PUF60: variants seen among roughly 807,000 people sequenced by gnomAD.
PUF60 encodes the protein poly(U)-binding-splicing factor PUF60.
Under a neutral mutation model 61.8 loss-of-function variants are expected in PUF60, and 10 were observed. That is an observed-to-expected ratio of 0.16 (90% CI 0.10 to 0.27). The LOEUF (loss-of-function observed/expected upper bound fraction) is 0.27, where lower values mean the gene tolerates loss of function less well. PUF60 is among the 10% of genes least tolerant of loss of function. PUF60 has a pLI of 1.00. For synonymous variants in PUF60, 353 were observed against 300.9 expected, an observed-to-expected ratio of 1.17 and a Z score of -1.79; for missense variants, 371 against 754.0, an observed-to-expected ratio of 0.49 and a Z score of 5.95.
intron 2 of PUF60, among the ~76,000 whole-genome samples, chr8:143,822,320 G>T (rs950630265): frequency 2.0e-5 from 3 of 152,200 alleles, no homozygotes; most frequent in African/African-American, 7.2e-5. Context: ...CTCTCTGGAC[G>T]TTCTGGGACT....
chr8:143,821,957 C>G, intron 2 of PUF60, 44 bp from the exon 3 acceptor site: 1 of 1,482,244 alleles, frequency 6.7e-7, no homozygotes, highest in Non-Finnish European at 9.1e-7. Flanking sequence ...AGCTCAAGTT[C>G]TCCTTCACGT....
chr8:143,816,772 A>G lies in PUF60; in HGVS notation c.1428T>C (p.Asp476=), dbSNP rs769416957. 1 of 1,613,636 alleles carries G rather than the reference A, an allele frequency of 6.2e-7. No individual in the cohort carries two copies. Among genetic ancestry groups the G allele is most frequent in the East Asian group, 2.2e-5 (1 of 44,882 alleles). ...CTGTCACCTCCCCTTCCAGGTCATC[A>G]TCGATGTCCTTGGGGTCCACCATGT... is the stretch of plus-strand genomic sequence containing the variant. ...LRNMVDPKDI[D]DDLEGEVTEE... The change falls in exon 12 of 12, where the codon GAT becomes GAC. Residue 476 remains aspartate, a synonymous_variant. Transcript: ENST00000526683.
At chr8:143,820,615 T>C in intron 5 of PUF60, 51 bp downstream of exon 5, 4 of 1,576,994 alleles carry the variant, frequency 2.5e-6, no homozygotes, top group Non-Finnish European at 3.5e-6. Flanking sequence ...TGCCCCCCTC[T>C]AGCCCTGACT....
rs765504100 is a variant in PUF60 at position 143,818,190 on chromosome 8, C to T, written c.603+3G>A. ...GGATCGAGGCCTTGGCTCCCTGCCTCACCTTGATGTTCCTGCCCCCCAGCA... is the reference window on the plus strand; with the variant it reads ...GGATCGAGGCCTTGGCTCCCTGCCTTACCTTGATGTTCCTGCCCCCCAGCA... On this transcript the variant is annotated splice_donor_region_variant and intron_variant, in intron 7 of 11. Coordinates refer to ENST00000526683, the MANE Select transcript of PUF60 (RefSeq NM_078480.3). This position sits in a 1 kb window ranked among gnomAD's most constrained non-coding sequence, Gnocchi z 7.9. The T allele has an allele frequency of 6.8e-6, 11 of 1,609,576 alleles. No individual in the cohort carries two copies. Among genetic ancestry groups the T allele is most frequent in the Non-Finnish European group, 9.3e-6 (11 of 1,178,670 alleles).
At chr8:143,827,391 T>C (rs762387891) in intron 1 of PUF60, 2 of 456,136 alleles carry the variant, frequency 4.4e-6, no homozygotes, top group African/African-American at 2.0e-5. Flanking sequence ...CTACCCTTGC[T>C]GCAAAGAGGC....
At chr8:143,828,389 G>A (rs1206706183) in intron 1 of PUF60, among the ~76,000 whole-genome samples, 4 of 152,376 alleles carry the variant, frequency 2.6e-5, no homozygotes, top group African/African-American at 4.8e-5. Flanking sequence ...GCTGAGAAAG[G>A]TCCAAAAGGG....
chr8:143,828,847 C>T (rs1314254085), intron 1 of PUF60: 3 of 862,958 alleles, frequency 3.5e-6, no homozygotes, highest in Middle Eastern at 5.8e-4. Context: ...GCTGCAGGCC[C>T]CTTTCTACAG....
intron 1 of PUF60, 197 bp from the exon 2 acceptor site, chr8:143,824,596 C>T: frequency 1.7e-6 from 1 of 599,036 alleles, no homozygotes; most frequent in Non-Finnish European, 3.0e-6. Context: ...CAGTCAGAAG[C>T]AGAGCGGAGC....
At chr8:143,825,895 G>A (rs1484922672) in intron 1 of PUF60, among the ~76,000 whole-genome samples, 1 of 152,224 alleles carries the variant, frequency 6.6e-6, no homozygotes, top group Non-Finnish European at 1.5e-5. Context: ...TAACCAACAA[G>A]TAAGCCACAA....
At chr8:143,829,155 G>T (rs1426120692) in intron 1 of PUF60, 125 bp downstream of exon 1, 67 of 1,215,146 alleles carry the variant, frequency 5.5e-5, no homozygotes, top group Middle Eastern at 3.1e-4. Flanking sequence ...CCGGGGACAC[G>T]AGGGAGTCCG....
chr8:143,820,380 G>A (rs1044960614), intron 5 of PUF60: 5 of 525,862 alleles, frequency 9.5e-6, no homozygotes, highest in Non-Finnish European at 1.7e-5. Flanking sequence ...GGGCGCAGAC[G>A]GGCCTGGTGC....
At chr8:143,825,209 G>A (rs1045196226) in intron 1 of PUF60, 1 of 152,392 alleles carries the variant, frequency 6.6e-6, no homozygotes. Flanking sequence ...CCAGCTCAAG[G>A]ATGAGACCCA....
At chr8:143,821,340 G>GA (rs1816992867) in intron 4 of PUF60, 1 of 590,198 alleles carries the variant, frequency 1.7e-6, no homozygotes, top group African/African-American at 1.9e-5. Context: ...CCAGGAAGGG[G>GA]AAAAGGGTAG....
chr8:143,823,139 C>T (rs970655487), intron 2 of PUF60: 2 of 166,558 alleles, frequency 1.2e-5, no homozygotes, highest in South Asian at 3.0e-4. Context: ...CACCAGGTGC[C>T]CCAGTCCGGC....
Position 143,817,058 on chromosome 8 carries a change from C to G in PUF60, c.1232G>C (p.Gly411Ala). Residue 411 changes from glycine (G) to alanine (A), a missense_variant, in exon 11 of 12, where the codon GGT (glycine) becomes GCT (alanine). By Grantham distance (60) the Gly-to-Ala change is moderately conservative. Around this residue, in one of 13 missense-constraint regions of PUF60, gnomAD observed 68 missense variants for 69.4 expected, o/e 0.98. Transcript: ENST00000526683. The surrounding 1 kb of genome is among the most constrained non-coding windows in gnomAD (Gnocchi z 7.4). The part of the protein sequence containing the change: ...NPILASPPTL[G>A]LLEPKKEKEE... ...CTTCTCCTTCTTGGGCTCCAGGAGA[C>G]CCAGCGTTGGAGGGCTGGCCAGGAT... is the stretch of plus-strand genomic sequence containing the variant. 6.2e-7 allele frequency: 1 copy of G among 1,611,512 alleles called. No individual in the cohort carries two copies.
At chr8:143,826,560 C>G (rs1028377010) in intron 1 of PUF60, among the ~76,000 whole-genome samples, 12 of 152,080 alleles carry the variant, frequency 7.9e-5, no homozygotes, top group Non-Finnish European at 1.5e-4. Context: ...ACTAAAAATA[C>G]AAAAATTAGC....
chr8:143,824,241 G>GT, intron 2 of PUF60, 72 bp downstream of exon 2: 1 of 1,449,278 alleles, frequency 6.9e-7, no homozygotes, highest in South Asian at 1.3e-5. Context: ...TGGGCCCAGG[G>GT]ACGCACAGGC....
chr8:143,825,621 T>TCCAGGCATGCGCCG (rs1449098649), intron 1 of PUF60, among the ~76,000 whole-genome samples: 5 of 152,082 alleles, frequency 3.3e-5, no homozygotes, highest in Non-Finnish European at 7.4e-5. Context: ...CTCCTGGGAC[T>TCCAGGCATGCGCCG]CCAGGCATGC....
Position 143,817,956 on chromosome 8 carries a change from G to A in PUF60, c.723C>T (p.Asp241=), listed in dbSNP as rs768022729. Residue 241 remains aspartate, a synonymous_variant, in exon 8 of 12, where the codon GAC becomes GAT. Transcript: ENST00000526683. The surrounding 1 kb of genome is among the most constrained non-coding windows in gnomAD (Gnocchi z 7.4). ...ASVHQDLSDD[D]IKSVFEAFGK... is the part of the protein sequence containing the mutation. ...CAAAGGCCTCAAACACGCTCTTGAT[G>A]TCATCGTCTGAGAGGTCCTGGTGCA... is the stretch of plus-strand genomic sequence containing the variant. 1.9e-6 allele frequency: 3 copies of A among 1,612,980 alleles called. No individual in the cohort carries two copies. The highest frequency in any genetic ancestry group is 1.7e-5 in the Admixed American group (1 of 60,012).
Sources: allele counts gnomAD v4.1 joint callset (sites outside exome capture counted in the v4.1 genomes callset), GRCh38; gene constraint gnomAD v4.1.1; regional missense constraint gnomAD v4.1.1; non-coding constraint Gnocchi (gnomAD v3.1); transcripts MANE v1.5; gene names NCBI Gene and HGNC (gene_info 2026-07-23, HGNC 2026-07-21).